Variants in NR4A3 observed in about 807,000 individuals in gnomAD.
The protein encoded by NR4A3 is chondrosarcoma, extraskeletal myxoid, fused to EWS.
A neutral mutation model predicts 55.6 loss-of-function variants in NR4A3; 13 were observed. The ratio of observed to expected loss-of-function variants is 0.23; its 90% CI spans 0.15 to 0.37. NR4A3 has a LOEUF of 0.37. Ranked by LOEUF, NR4A3 falls within the 10% of genes least tolerant of loss-of-function variation. The pLI, the probability that NR4A3 is intolerant of heterozygous loss-of-function variation, is 1.00. For missense variants in NR4A3, 646 were observed against 822.8 expected (o/e 0.79, Z 2.63); for synonymous variants, 342 against 357.9 (o/e 0.96, Z 0.50).
At chr9:99,836,711 C>T (rs374762638) in intron 5 of NR4A3, among the ~76,000 whole-genome samples, 219 of 152,338 alleles carry the variant, frequency 1.4e-3, no homozygotes, top group African/African-American at 4.6e-3. Context: ...ATACTAGCTG[C>T]TGTGGAAGTG....
At chr9:99,844,898 A>G in intron 6 of NR4A3, 50 bp downstream of exon 6, 2 of 1,397,480 alleles carry the variant, frequency 1.4e-6, no homozygotes, top group Non-Finnish European at 1.0e-6. Context: ...AGAAGCCTGA[A>G]ACCTTCTGTG....
intron 7 of NR4A3, among the ~76,000 whole-genome samples, chr9:99,853,289 C>A (rs1189690343): frequency 6.7e-6 from 1 of 149,938 alleles, no homozygotes; most frequent in Non-Finnish European, 1.5e-5. Flanking sequence ...TGCATCCCTG[C>A]AACTGAATAT....
At chr9:99,841,162 C>T (rs887991494) in intron 5 of NR4A3, among the ~76,000 whole-genome samples, 1 of 148,914 alleles carries the variant, frequency 6.7e-6, no homozygotes, top group African/African-American at 2.5e-5. Context: ...ACCCGGGAGG[C>T]AGAGGTTGCA....
chr9:99,840,196 G>A (rs973004506), intron 5 of NR4A3, among the ~76,000 whole-genome samples: 1 of 152,220 alleles, frequency 6.6e-6, no homozygotes, highest in African/African-American at 2.4e-5. Flanking sequence ...GCTGGAGCCT[G>A]GCAGGCTGGG....
At chr9:99,863,049 C>T (rs971774262) in intron 7 of NR4A3, among the ~76,000 whole-genome samples, 1 of 152,146 alleles carries the variant, frequency 6.6e-6, no homozygotes, top group Non-Finnish European at 1.5e-5. Flanking sequence ...CACAGGAATG[C>T]ACTTTGCTGT....
chr9:99,830,913 C>T (rs1564031020), intron 3 of NR4A3, among the ~76,000 whole-genome samples: 2 of 152,036 alleles, frequency 1.3e-5, no homozygotes, highest in East Asian at 3.8e-4. Flanking sequence ...TAAGTGTTCC[C>T]CAACAGCTTC....
Position 99,828,336 on chromosome 9 carries a change from C to T in NR4A3, c.294C>T (p.His98=), listed in dbSNP as rs1564029901. ...GGGCGCCCAGCTACCATCACCATCA[C>T]CACCACCACCACCACCACCACCACC... ...EGRAPSYHHH[H]HHHHHHHHHH... Residue 98 remains histidine, a synonymous_variant, in exon 3 of 8, where the codon CAC becomes CAT. Transcript: ENST00000395097. This position sits in a 1 kb window ranked among gnomAD's most constrained non-coding sequence, Gnocchi z 7.7. 6.5e-7 allele frequency: 1 copy of T among 1,548,254 alleles called. No homozygotes were observed. Among genetic ancestry groups the T allele is most frequent in the Non-Finnish European group, 8.7e-7 (1 of 1,144,434 alleles).
At chr9:99,842,159 A>G (rs1308811588) in intron 5 of NR4A3, among the ~76,000 whole-genome samples, 1 of 151,078 alleles carries the variant, frequency 6.6e-6, no homozygotes. Context: ...GGGAAAACAC[A>G]AAGAAAAAAA....
chr9:99,833,044 G>A (rs1161591087), intron 4 of NR4A3, among the ~76,000 whole-genome samples: 2 of 152,070 alleles, frequency 1.3e-5, no homozygotes, highest in Non-Finnish European at 2.9e-5. Context: ...TTCTATTTAA[G>A]AAGGAGACTT....
At position 99,828,857 on chromosome 9, in the gene NR4A3, G is replaced by T. The variant is rs1182398625; in HGVS notation, c.815G>T (p.Gly272Val). Residue 272 changes from glycine (G) to valine (V), a missense_variant, in exon 3 of 8, where the codon GGC (glycine) becomes GTC (valine). By Grantham distance (109) the Gly-to-Val change is moderately radical. Transcript: ENST00000395097. The surrounding 1 kb of genome is among the most constrained non-coding windows in gnomAD (Gnocchi z 7.7). ...TPSPTASSLL[G>V]ESPSLPSPPS... ...TCCCCTACCGCGTCCAGCCTGCTGG[G>T]CGAGAGTCCCAGCCTGCCGTCGCCG... 4.0e-6 allele frequency: 6 copies of T among 1,497,300 alleles called. No homozygotes were observed. Among genetic ancestry groups the T allele is most frequent in the Non-Finnish European group, 5.3e-6 (6 of 1,127,860 alleles). 92.8% of individuals were successfully genotyped at this position (1,497,300 alleles called of 1,614,324 possible).
intron 5 of NR4A3, among the ~76,000 whole-genome samples, chr9:99,843,179 C>G (rs1430324592): frequency 3.9e-5 from 6 of 152,216 alleles, no homozygotes; most frequent in Admixed American, 2.0e-4. Context: ...TCGTTCTGCT[C>G]TTCGGACTCT....
chr9:99,835,965 T>C (rs1271327266), intron 5 of NR4A3, among the ~76,000 whole-genome samples: 1 of 152,250 alleles, frequency 6.6e-6, no homozygotes, highest in East Asian at 1.9e-4. Context: ...ATTGCATTAT[T>C]TTGGAATCAG....
chr9:99,832,625 T>C (rs1827466395), intron 3 of NR4A3, 64 bp from the exon 4 acceptor site: 2 of 1,313,352 alleles, frequency 1.5e-6, no homozygotes, highest in Non-Finnish European at 2.1e-6. Context: ...TTAAAATACA[T>C]CTTGTCAGGT....
chr9:99,831,700 T>A (rs752091692), intron 3 of NR4A3, among the ~76,000 whole-genome samples: 1 of 152,222 alleles, frequency 6.6e-6, no homozygotes, highest in East Asian at 1.9e-4. Flanking sequence ...ATCCAGGTAA[T>A]TTCTGAACAG....
rs1006270669 is a variant in NR4A3 at position 99,866,253 on chromosome 9, A to G, written c.*2386A>G. ...TAAATTAGAAATACTGTGCATACATAACCTTCTTGTGCACCATGAGTATTT... is the reference window on the plus strand; with the variant it reads ...TAAATTAGAAATACTGTGCATACATGACCTTCTTGTGCACCATGAGTATTT... On this transcript the variant is annotated 3_prime_UTR_variant, in exon 8 of 8. Transcript: ENST00000395097. 4.1e-5 allele frequency: 9 copies of G among 220,360 alleles called. No individual in the cohort carries two copies. The highest frequency in any genetic ancestry group is 7.3e-5 in the Non-Finnish European group (8 of 109,842). The allele number at this position is 220,360 out of a possible 1,614,324, so 13.7% of individuals were successfully genotyped here.
chr9:99,852,681 A>G (rs1253702777), intron 7 of NR4A3, among the ~76,000 whole-genome samples: 2 of 152,170 alleles, frequency 1.3e-5, no homozygotes, highest in Non-Finnish European at 2.9e-5. Context: ...CTCTCAGGTG[A>G]GAAAATGACT....
In NR4A3 at chr9:99,863,996, A is replaced by C. The variant is rs1233146897; in HGVS notation, c.*129A>C. On this transcript the variant is annotated 3_prime_UTR_variant, in exon 8 of 8. Coordinates refer to ENST00000395097, the MANE Select transcript of NR4A3 (RefSeq NM_006981.4). ...GGAAAAGCAGCTCCTGTAGAAAGCA[A>C]AGACTTTCTTTTTTTTCTGGCTCTT... The C allele has an allele frequency of 1.7e-5, 19 of 1,123,080 alleles. No homozygotes were observed. Among genetic ancestry groups the C allele is most frequent in the Non-Finnish European group, 1.8e-5 (14 of 799,502 alleles). 69.6% of individuals were successfully genotyped at this position (1,123,080 alleles called of 1,614,324 possible).
intron 7 of NR4A3, among the ~76,000 whole-genome samples, chr9:99,861,864 G>A (rs1048642405): frequency 1.4e-4 from 21 of 152,150 alleles, no homozygotes; most frequent in African/African-American, 4.8e-4. Flanking sequence ...ACTGAGGCAG[G>A]AGGATCACTT....
chr9:99,841,073 A>C (rs748715247), intron 5 of NR4A3, among the ~76,000 whole-genome samples: 1 of 152,022 alleles, frequency 6.6e-6, no homozygotes, highest in South Asian at 2.1e-4. Context: ...TCTACTAAAA[A>C]TACAAAAATT....
Sources: gnomAD v4.1 joint callset for allele counts (sites outside exome capture counted in the v4.1 genomes callset) on GRCh38, gnomAD v4.1.1 for gene constraint, Gnocchi (gnomAD v3.1) non-coding constraint, MANE v1.5 for transcripts, NCBI Gene and HGNC (gene_info 2026-07-23, HGNC 2026-07-21) for gene names.